The following RNPEP variants were observed in gnomAD, a reference collection of about 807,000 sequenced individuals.
The protein encoded by RNPEP is arginyl aminopeptidase.
A neutral mutation model predicts 70.1 loss-of-function variants in RNPEP; 57 were observed. That is an observed-to-expected ratio of 0.81 (90% CI 0.66 to 1.01). The LOEUF (loss-of-function observed/expected upper bound fraction) is 1.01. Ranked by LOEUF, RNPEP falls within the 50% of genes least tolerant of loss-of-function variation. The probability of loss-of-function intolerance (pLI) is 0.00; values close to 1 mark genes in which losing one functional copy is unlikely to be tolerated. For missense variants in RNPEP, 787 were observed against 852.4 expected (o/e 0.92, Z 0.96); for synonymous variants, 335 against 357.4 (o/e 0.94, Z 0.71).
At chr1:202,001,535 G>C in intron 7 of RNPEP, 47 bp downstream of exon 7, 1 of 1,501,830 alleles carries the variant, frequency 6.7e-7, no homozygotes, top group Non-Finnish European at 9.3e-7. Context: ...TAAAGCCACT[G>C]GGCCTGATCA....
chr1:201,989,359 C>A, intron 2 of RNPEP, 24 bp from the exon 3 acceptor site: 1 of 1,611,374 alleles, frequency 6.2e-7, no homozygotes, highest in Non-Finnish European at 8.5e-7. Context: ...CAGGTAAAAT[C>A]TCCTAAGCTT....
chr1:201,986,329 A>T (rs1352064082), intron 1 of RNPEP, among the ~76,000 whole-genome samples: 2 of 151,934 alleles, frequency 1.3e-5, no homozygotes, highest in East Asian at 3.9e-4. Flanking sequence ...TCCTGGCCTC[A>T]AGCGATCCTC....
chr1:202,002,808 C>T (rs1683882302), intron 8 of RNPEP, among the ~76,000 whole-genome samples: 1 of 152,190 alleles, frequency 6.6e-6, no homozygotes, highest in South Asian at 2.1e-4. Flanking sequence ...CCTATCACCC[C>T]CACTTTATAG....
intron 1 of RNPEP, among the ~76,000 whole-genome samples, chr1:201,985,861 G>A (rs1043382368): frequency 5.3e-5 from 8 of 152,248 alleles, no homozygotes; most frequent in African/African-American, 1.2e-4. Flanking sequence ...ATATTTAGCT[G>A]TCATGTATCC....
chr1:201,987,309 C>G (rs957020370), intron 1 of RNPEP, among the ~76,000 whole-genome samples: 2 of 152,030 alleles, frequency 1.3e-5, no homozygotes, highest in African/African-American at 4.8e-5. Flanking sequence ...GAATCCATTT[C>G]TAAATTCTAA....
Position 202,001,439 on chromosome 1 carries a change from A to T in RNPEP, c.1268A>T (p.Tyr423Phe), listed in dbSNP as rs1683803675. ...PYEKGFCFVS[Y>F]LAHLVGDQDQ... The stretch of plus-strand genomic sequence containing the variant: ...GAGAAAGGTTTCTGCTTTGTTTCAT[A>T]CCTGGCCCACTTGGTGGGTGATCAG... The change falls in exon 7 of 11, where the codon TAC (tyrosine) becomes TTC (phenylalanine). Residue 423 changes from tyrosine (Y) to phenylalanine (F), a missense_variant. Physicochemically the swap from Tyr to Phe is conservative, Grantham distance 22. Transcript: ENST00000295640. 19 of 1,613,938 alleles carry T rather than the reference A, an allele frequency of 1.2e-5. No homozygotes were observed. Among genetic ancestry groups the T allele is most frequent in the Non-Finnish European group, 1.2e-5 (14 of 1,179,820 alleles).
At position 201,989,391 on chromosome 1, in the gene RNPEP, T is replaced by C; in HGVS notation, c.597T>C (p.Asp199=). 1 of 1,614,030 alleles carries C rather than the reference T, an allele frequency of 6.2e-7. No homozygotes were observed. Among genetic ancestry groups the C allele is most frequent in the Non-Finnish European group, 8.5e-7 (1 of 1,179,990 alleles). Residue 199 remains aspartate (D), a synonymous_variant, in exon 3 of 11, where the codon GAT becomes GAC. Transcript: ENST00000295640. ...YKYSALIEVP[D]GFTAVMSAST... Reference sequence around the variant, plus strand: ...GCTTTCTCTGTTGTCAGGTCCCAGATGGCTTCACAGCTGTGATGAGTGCTA... The same window carrying C: ...GCTTTCTCTGTTGTCAGGTCCCAGACGGCTTCACAGCTGTGATGAGTGCTA...
chr1:202,000,516 C>T (rs1253477845), intron 6 of RNPEP, among the ~76,000 whole-genome samples: 1 of 152,118 alleles, frequency 6.6e-6, no homozygotes, highest in Non-Finnish European at 1.5e-5. Flanking sequence ...AATCTGAAAC[C>T]TTTTTATGCA....
intron 8 of RNPEP, among the ~76,000 whole-genome samples, chr1:202,002,351 G>A (rs1032987084): frequency 9.2e-5 from 14 of 152,084 alleles, no homozygotes; most frequent in South Asian, 2.1e-4. Context: ...TAGTAGAGAC[G>A]GGGTTTCTCC....
intron 8 of RNPEP, among the ~76,000 whole-genome samples, chr1:202,002,165 CT>C (rs112152568): frequency 1.3e-3 from 184 of 138,048 alleles, no homozygotes; most frequent in Non-Finnish European, 1.4e-3. Flanking sequence ...CTTTTCTTTT[CT>C]TTTTTTTTTT....
intron 3 of RNPEP, among the ~76,000 whole-genome samples, chr1:201,992,537 A>G (rs1430567548): frequency 2.0e-5 from 3 of 151,728 alleles, no homozygotes; most frequent in African/African-American, 4.8e-5. Context: ...CTCTCCCACT[A>G]TATTCCACCA....
intron 5 of RNPEP, among the ~76,000 whole-genome samples, chr1:201,998,931 C>T (rs1215554797): frequency 6.6e-6 from 1 of 152,126 alleles, no homozygotes; most frequent in Non-Finnish European, 1.5e-5. Context: ...GAAAATAATT[C>T]TAAGTTTTCA....
rs772023559 is a variant in RNPEP, at chr1:201,988,910, T to C, written c.454T>C (p.Trp152Arg). Residue 152 changes from tryptophan (W) to arginine (R), a missense_variant, in exon 2 of 11, where the codon TGG becomes CGG. Transcript: ENST00000295640. ...YRVGEGPGVC[W>R]LAPEQTAGKK... ...TGTTCTTCTTTTCGCTTAGGTTTGCTGGTTGGCTCCCGAGCAGACAGCAGG... is the reference window on the plus strand; with the variant it reads ...TGTTCTTCTTTTCGCTTAGGTTTGCCGGTTGGCTCCCGAGCAGACAGCAGG... 6.2e-7 allele frequency: 1 copy of C among 1,610,846 alleles called. No individual in the cohort carries two copies.
intron 4 of RNPEP, 115 bp from the exon 5 acceptor site, chr1:201,997,204 C>T: frequency 1.3e-6 from 1 of 785,340 alleles, no homozygotes; most frequent in Non-Finnish European, 2.2e-6. Context: ...AAGTCGTACT[C>T]TGCCTGTTTA....
chr1:202,003,365 A>G lies in RNPEP; in HGVS notation c.1555A>G (p.Met519Val). 6.2e-7 allele frequency: 1 copy of G among 1,614,190 alleles called. No homozygotes were observed. The highest frequency in any genetic ancestry group is 8.5e-7 in the Non-Finnish European group (1 of 1,180,020). Residue 519 changes from methionine (M) to valine (V), a missense_variant, in exon 9 of 11, where the codon ATG becomes GTG. Transcript: ENST00000295640. ...ACTGTGGGCAGCCGAGGAGCTGGAC[A>G]TGAAGGCCATTGAAGCCGTGGCCAT... ...AQLWAAEELDMKAIEAVAISP... is the reference protein window; with the variant it reads ...AQLWAAEELDVKAIEAVAISP...
Position 201,989,487 on chromosome 1 carries a change from A to C in RNPEP, c.693A>C (p.Ile231=), listed in dbSNP as rs1469328164. The change falls in exon 3 of 11, where the codon ATA becomes ATC. Residue 231 remains isoleucine (I), a synonymous_variant. Transcript: ENST00000295640. ...QMCQPIPSYL[I]ALAIGDLVSA... is the part of the protein sequence containing the mutation. ...GTCAGCCCATCCCCTCCTATCTGAT[A>C]GCTTTGGCCATCGGAGATCTGGTTT... 1 of 1,614,158 alleles carries C rather than the reference A, an allele frequency of 6.2e-7. No homozygotes were observed. Among genetic ancestry groups the C allele is most frequent in the Non-Finnish European group, 8.5e-7 (1 of 1,180,026 alleles).
chr1:201,984,753 T>C (rs11590348), intron 1 of RNPEP, among the ~76,000 whole-genome samples: 83,847 of 151,438 alleles, frequency 0.55, 23,548 homozygotes, highest in Non-Finnish European at 0.61. Flanking sequence ...CCATAAGTGG[T>C]TAATATGGTG....
chr1:201,997,532 G>C lies in RNPEP; in HGVS notation c.1068G>C (p.Arg356Ser), dbSNP rs148120416. 1 of 1,613,894 alleles carries C rather than the reference G, an allele frequency of 6.2e-7. No homozygotes were observed. Among genetic ancestry groups the C allele is most frequent in the South Asian group, 1.1e-5 (1 of 91,056 alleles). ...AAGGTTTCACCATGTACGCCCAGAG[G>C]AGGATCTCCACCATCCTCTTTGGTA... The part of the protein sequence containing the change: ...LNEGFTMYAQ[R>S]RISTILFGAA... Residue 356 changes from arginine to serine, a missense_variant, in exon 5 of 11, where the codon AGG (arginine) becomes AGC (serine). Coordinates refer to ENST00000295640, the MANE Select transcript of RNPEP (RefSeq NM_020216.4).
rs1682980400 is a variant in RNPEP at position 201,982,741 on chromosome 1, G to C, written c.75G>C (p.Val25=). The part of the protein sequence containing the change: ...RPLHSAQAVD[V]ASASNFRAFE... ...TGCACTCCGCGCAGGCTGTGGACGT[G>C]GCCTCGGCCTCCAACTTCCGGGCCT... The change falls in exon 1 of 11, where the codon GTG becomes GTC. Residue 25 remains valine (V), a synonymous_variant. Coordinates refer to ENST00000295640, the MANE Select transcript of RNPEP (RefSeq NM_020216.4). The C allele has an allele frequency of 5.1e-6, 7 of 1,380,954 alleles. No individual in the cohort carries two copies. Among genetic ancestry groups the C allele is most frequent in the Non-Finnish European group, 6.6e-6 (7 of 1,066,708 alleles). 85.5% of individuals were successfully genotyped at this position (1,380,954 alleles called of 1,614,324 possible). A position where few individuals can be genotyped will look rare whatever the true frequency, so the allele number is the denominator to read the frequency against.
Sources: gnomAD v4.1 joint callset for allele counts (sites outside exome capture counted in the v4.1 genomes callset) on GRCh38, gnomAD v4.1.1 for gene constraint, MANE v1.5 for transcripts, NCBI Gene and HGNC (gene_info 2026-07-23, HGNC 2026-07-21) for gene names.